The following EPS15L1 variants were observed in gnomAD, a reference collection of about 807,000 sequenced individuals.
The protein encoded by EPS15L1 is epidermal growth factor receptor substrate 15-like 1.
Under a neutral mutation model 117.1 loss-of-function variants are expected in EPS15L1, and 43 were observed. The ratio of observed to expected loss-of-function variants is 0.37; its 90% CI spans 0.29 to 0.47. The LOEUF (loss-of-function observed/expected upper bound fraction) is 0.47, where lower values mean the gene tolerates loss of function less well. Ranked by LOEUF, EPS15L1 falls within the 20% of genes least tolerant of loss-of-function variation. The pLI is 0.99. For synonymous variants in EPS15L1, 459 were observed against 470.5 expected, an observed-to-expected ratio of 0.98 and a Z score of 0.32; for missense variants, 981 against 1,164.0, an observed-to-expected ratio of 0.84 and a Z score of 2.29.
chr19:16,413,120 G>A (rs1051500855), intron 13 of EPS15L1: 6 of 676,778 alleles, frequency 8.9e-6, no homozygotes, highest in African/African-American at 1.8e-5. Flanking sequence ...TGGGTATTAA[G>A]TGCTCCAAGG....
At chr19:16,449,441 C>T (rs915861711) in intron 1 of EPS15L1, among the ~76,000 whole-genome samples, 1 of 152,106 alleles carries the variant, frequency 6.6e-6, no homozygotes, top group Non-Finnish European at 1.5e-5. Flanking sequence ...TGCCACTGCA[C>T]GCTATCAGAG....
At chr19:16,451,221 G>A (rs1014665453) in intron 1 of EPS15L1, among the ~76,000 whole-genome samples, 30 of 152,222 alleles carry the variant, frequency 2.0e-4, no homozygotes, top group African/African-American at 7.2e-4. Context: ...AAAGTGCTGG[G>A]ATTACAGGCG....
intron 1 of EPS15L1, among the ~76,000 whole-genome samples, chr19:16,443,806 AT>A (rs1263533511): frequency 4.0e-5 from 6 of 151,754 alleles, no homozygotes; most frequent in Non-Finnish European, 7.4e-5. Flanking sequence ...GAAAGTTGTA[AT>A]CCCAAACAGC....
At chr19:16,421,903 A>C (rs1201721210) in intron 9 of EPS15L1, among the ~76,000 whole-genome samples, 1 of 152,122 alleles carries the variant, frequency 6.6e-6, no homozygotes, top group Non-Finnish European at 1.5e-5. Flanking sequence ...TCAGCCCGCA[A>C]AGGCTGCCCT....
At chr19:16,436,528 C>T (rs1050142997) in intron 6 of EPS15L1, 2 of 162,626 alleles carry the variant, frequency 1.2e-5, no homozygotes, top group Non-Finnish European at 2.7e-5. Flanking sequence ...TGGAAAGAAG[C>T]GAGAAAGCAA....
chr19:16,447,473 T>C (rs559287576), intron 1 of EPS15L1, among the ~76,000 whole-genome samples: 11 of 152,210 alleles, frequency 7.2e-5, no homozygotes, highest in African/African-American at 2.6e-4. Flanking sequence ...ATTTAAGTAT[T>C]ACAGGGCCAG....
intron 22 of EPS15L1, among the ~76,000 whole-genome samples, chr19:16,366,881 G>T (rs1425752040): frequency 6.6e-6 from 1 of 152,088 alleles, no homozygotes; most frequent in African/African-American, 2.4e-5. Flanking sequence ...AAACCTTCTA[G>T]GTCTAGTTCC....
chr19:16,392,562 C>T (rs753535276), intron 18 of EPS15L1, 122 bp from the exon 19 acceptor site: 22 of 976,676 alleles, frequency 2.3e-5, no homozygotes, highest in African/African-American at 9.8e-5. Context: ...ACGCTAGTGA[C>T]GGAAAACAGG....
Position 16,404,516 on chromosome 19 carries a change from C to G in EPS15L1, c.1428+72G>C. ...CTAAGTGTTGTGTTCCCAGGTAACACGAGCTCAGGGGAGTCCTTGGGAAGC... is the reference window on the plus strand; with the variant it reads ...CTAAGTGTTGTGTTCCCAGGTAACAGGAGCTCAGGGGAGTCCTTGGGAAGC... On this transcript the variant is annotated intron_variant, in intron 14 of 23. Coordinates refer to ENST00000455140, the MANE Select transcript of EPS15L1 (RefSeq NM_001258374.3). This position sits in a 1 kb window ranked among gnomAD's most constrained non-coding sequence, Gnocchi z 4.2. 1.3e-6 allele frequency: 2 copies of G among 1,542,228 alleles called. No individual in the cohort carries two copies. The highest frequency in any genetic ancestry group is 2.3e-5 in the East Asian group (1 of 44,316).
In EPS15L1 at chr19:16,404,573, G is replaced by A. The variant is rs771980383; in HGVS notation, c.1428+15C>T. On this transcript the variant is annotated intron_variant, in intron 14 of 23. Coordinates refer to ENST00000455140, the MANE Select transcript of EPS15L1 (RefSeq NM_001258374.3). This position sits in a 1 kb window ranked among gnomAD's most constrained non-coding sequence, Gnocchi z 4.2. ...CTGTGCATAGGGCGCTGCCCCGGAG[G>A]TGGCCGGGACCCACCATCTGAGTCT... is the stretch of plus-strand genomic sequence containing the variant. 6 of 1,613,752 alleles carry A rather than the reference G, an allele frequency of 3.7e-6. No individual in the cohort carries two copies. The South Asian group carries it at 5.5e-5, about 15-fold the overall frequency.
chr19:16,387,863 T>G (rs2050422470), intron 19 of EPS15L1, among the ~76,000 whole-genome samples: 1 of 151,932 alleles, frequency 6.6e-6, no homozygotes, highest in East Asian at 1.9e-4. Context: ...TAGAAATTAC[T>G]CAATCTGAAG....
chr19:16,414,370 C>CCCTGGACAG (rs1242927293), intron 12 of EPS15L1, among the ~76,000 whole-genome samples: 1 of 152,154 alleles, frequency 6.6e-6, no homozygotes, highest in African/African-American at 2.4e-5. Context: ...GCCTGTGACA[C>CCCTGGACAG]CCTGGACAGC....
At chr19:16,425,733 A>G (rs924530427) in intron 8 of EPS15L1, among the ~76,000 whole-genome samples, 1 of 152,140 alleles carries the variant, frequency 6.6e-6, no homozygotes. Flanking sequence ...TGAGCCCAGG[A>G]GATGGAGGCT....
In EPS15L1 at chr19:16,470,643, G is replaced by C. The variant is rs142236948; in HGVS notation, c.33+1270C>G. On this transcript the variant is annotated intron_variant, in intron 1 of 23. Coordinates refer to ENST00000455140, the MANE Select transcript of EPS15L1 (RefSeq NM_001258374.3). The stretch of plus-strand genomic sequence containing the variant: ...GCTAATTAATAATCACCGGGTTTTA[G>C]CACTGTTAACTTAGTGACAGTGTTG... 6.5e-3 allele frequency among the ~76,000 whole-genome samples: 985 copies of C among 152,136 alleles called. 13 individuals carry two copies. The highest frequency in any genetic ancestry group is 0.023 in the African/African-American group (939 of 41,490).
At position 16,403,019 on chromosome 19, in the gene EPS15L1, C is replaced by T. The variant is rs77739744; in HGVS notation, c.1627-534G>A. 4.9e-3 allele frequency among the ~76,000 whole-genome samples: 740 copies of T among 152,310 alleles called. 5 individuals are homozygous for T. Among genetic ancestry groups the T allele is most frequent in the African/African-American group, 0.016 (667 of 41,562 alleles). ...TAAATCTCTGAGCGGTCCATGCTTG[C>T]GATCAACTGTGGCCTATAAACTGGC... is the stretch of plus-strand genomic sequence containing the variant. On this transcript the variant is annotated intron_variant, in intron 15 of 23. Coordinates refer to ENST00000455140, the MANE Select transcript of EPS15L1 (RefSeq NM_001258374.3).
chr19:16,453,627 G>A (rs547852775), intron 1 of EPS15L1, among the ~76,000 whole-genome samples: 2 of 152,122 alleles, frequency 1.3e-5, no homozygotes, highest in East Asian at 3.9e-4. Flanking sequence ...GCAGGAGAAT[G>A]GCGTGAACCC....
At chr19:16,367,337 CAG>C (rs2092147358) in intron 22 of EPS15L1, among the ~76,000 whole-genome samples, 1 of 151,670 alleles carries the variant, frequency 6.6e-6, no homozygotes, top group African/African-American at 2.4e-5. Flanking sequence ...ACTTCATTAA[CAG>C]GGGGCAAGGG....
chr19:16,399,446 T>C (rs1338930635), intron 16 of EPS15L1, among the ~76,000 whole-genome samples: 1 of 152,150 alleles, frequency 6.6e-6, no homozygotes, highest in East Asian at 1.9e-4. Flanking sequence ...TGTGAAGTTG[T>C]ACCCTTCTTA....
rs116453289 is a variant in EPS15L1 at position 16,412,973 on chromosome 19, C to A, written c.1266+800G>T. ...TCCCGCCCATCAAGGAATCTGAGAT[C>A]ATTGACTTTTGCCTGGGGGGCTCTC... On this transcript the variant is annotated intron_variant, in intron 13 of 23. Coordinates refer to ENST00000455140, the MANE Select transcript of EPS15L1 (RefSeq NM_001258374.3). The A allele has an allele frequency of 3.9e-3, 2,607 of 671,858 alleles. 53 individuals are homozygous for A. In the African/African-American group the frequency reaches 0.042, roughly 11 times the overall value. The allele number at this position is 671,858 out of a possible 1,614,324, so 41.6% of individuals were successfully genotyped here. A position where few individuals can be genotyped will look rare whatever the true frequency, so the allele number is the denominator to read the frequency against.
Sources: allele counts gnomAD v4.1 joint callset (sites outside exome capture counted in the v4.1 genomes callset), GRCh38; gene constraint gnomAD v4.1.1; non-coding constraint Gnocchi (gnomAD v3.1); transcripts MANE v1.5; gene names NCBI Gene and HGNC (gene_info 2026-07-23, HGNC 2026-07-21).